Variants in RABGEF1 observed in about 807,000 individuals in gnomAD.
RABGEF1 encodes rab5 GDP/GTP exchange factor.
RABGEF1 carries 26 observed loss-of-function variants against 57.3 expected under a neutral mutation model. The ratio of observed to expected loss-of-function variants is 0.45; its 90% CI spans 0.33 to 0.63. The LOEUF is 0.63. RABGEF1 is among the 20% of genes least tolerant of loss of function. RABGEF1 has a pLI of 0.02. For missense variants in RABGEF1, 464 were observed against 607.6 expected (o/e 0.76, Z 2.48); for synonymous variants, 185 against 210.7 (o/e 0.88, Z 1.06).
chr7:66,701,570 G>A (rs1007147723), intron 1 of RABGEF1, among the ~76,000 whole-genome samples: 4 of 148,752 alleles, frequency 2.7e-5, no homozygotes, highest in African/African-American at 7.5e-5. Context: ...GTGCAATGGT[G>A]TAGTCTCAGC....
chr7:66,690,100 C>CTTTT (rs892888858), intron 1 of RABGEF1, among the ~76,000 whole-genome samples: 10 of 124,214 alleles, frequency 8.1e-5, no homozygotes, highest in East Asian at 2.4e-4. Flanking sequence ...ATAAAAAATT[C>CTTTT]TTTTTTTTTT....
intron 2 of RABGEF1, among the ~76,000 whole-genome samples, chr7:66,727,390 C>G (rs1408255309): frequency 1.3e-5 from 2 of 152,210 alleles, no homozygotes; most frequent in Non-Finnish European, 2.9e-5. Context: ...CCTGGCCACC[C>G]CATCCCATGG....
At chr7:66,703,044 A>G (rs775237035) in intron 1 of RABGEF1, among the ~76,000 whole-genome samples, 39 of 152,056 alleles carry the variant, frequency 2.6e-4, no homozygotes, top group Non-Finnish European at 1.8e-4. Flanking sequence ...TGCTATCTCA[A>G]CTTACTGCAA....
chr7:66,758,704 C>CA (rs1192281751), intron 1 of RABGEF1, among the ~76,000 whole-genome samples: 1 of 151,522 alleles, frequency 6.6e-6, no homozygotes. Flanking sequence ...TGCCTTCTAC[C>CA]GTAACAGCTG....
chr7:66,655,865 A>G, the RABGEF1 span, among the ~76,000 whole-genome samples: 135 of 152,330 alleles, frequency 8.9e-4, no homozygotes, highest in East Asian at 0.019. Flanking sequence ...TCATGTTTCT[A>G]CTCTCTAGAA....
intron 1 of RABGEF1, chr7:66,756,117 C>T: frequency 1.6e-6 from 2 of 1,259,866 alleles, no homozygotes; most frequent in Non-Finnish European, 2.1e-6. Context: ...ATCTATAAAT[C>T]AAAAGAAAAT....
At chr7:66,670,717 G>A in the RABGEF1 span, among the ~76,000 whole-genome samples, 7 of 151,868 alleles carry the variant, frequency 4.6e-5, no homozygotes, top group Non-Finnish European at 8.8e-5. Flanking sequence ...GTGGTGGCTC[G>A]CGCCTGTAAT....
In RABGEF1 at chr7:66,772,094, TA is replaced by T; in HGVS notation, c.179+17del. 6.8e-7 allele frequency: 1 copy of T among 1,470,124 alleles called. No homozygotes were observed. The allele number at this position is 1,470,124 out of a possible 1,614,324, so 91.1% of individuals were successfully genotyped here. On this transcript the variant is annotated intron_variant, in intron 2 of 8. Coordinates refer to ENST00000284957, the MANE Select transcript of RABGEF1 (RefSeq NM_014504.3). ...TGGCGGAGCGGTAAAAGGACTTAAC[TA>T]GGGGCGGTTGAACAGTGACGTGACT...
At chr7:66,770,168 T>C (rs1806745090) in intron 1 of RABGEF1, among the ~76,000 whole-genome samples, 1 of 152,248 alleles carries the variant, frequency 6.6e-6, no homozygotes, top group African/African-American at 2.4e-5. Context: ...ACCAGTGCCA[T>C]CTAGCTCAAT....
chr7:66,809,330 GC>G lies in RABGEF1; in HGVS notation c.*49del. ...TTTATTTGAGCCTAAATTGTAGGTA[GC>G]CCTTACTACACTCAACTGATTGGGA... On this transcript the variant is annotated 3_prime_UTR_variant, in exon 9 of 9. Transcript: ENST00000284957. 1 of 1,543,646 alleles carries G rather than the reference GC, an allele frequency of 6.5e-7. No individual in the cohort carries two copies. Among genetic ancestry groups the G allele is most frequent in the South Asian group, 1.2e-5 (1 of 80,080 alleles).
At chr7:66,717,320 CCT>C (rs954098640) in intron 2 of RABGEF1, among the ~76,000 whole-genome samples, 8 of 152,118 alleles carry the variant, frequency 5.3e-5, no homozygotes, top group African/African-American at 1.9e-4. Flanking sequence ...GTTCCTTTCC[CCT>C]GTCCTTACTA....
chr7:66,665,639 T>C, the RABGEF1 span, among the ~76,000 whole-genome samples: 1 of 152,234 alleles, frequency 6.6e-6, no homozygotes, highest in East Asian at 1.9e-4. Flanking sequence ...GAAGAAAGGG[T>C]ACAAGAGAAT....
chr7:66,737,572 TA>T (rs1181953670), upstream of RABGEF1, among the ~76,000 whole-genome samples: 1 of 151,988 alleles, frequency 6.6e-6, no homozygotes, highest in Admixed American at 6.6e-5. Flanking sequence ...TTAAAACAAT[TA>T]AAAAAAAGAT....
upstream of RABGEF1, among the ~76,000 whole-genome samples, chr7:66,736,651 C>A (rs1206884062): frequency 6.6e-6 from 1 of 151,996 alleles, no homozygotes; most frequent in Non-Finnish European, 1.5e-5. Context: ...CTTGAGGCCA[C>A]GAGTTTGAGA....
intron 3 of RABGEF1, among the ~76,000 whole-genome samples, chr7:66,777,882 C>T (rs1808918639): frequency 6.6e-6 from 1 of 152,044 alleles, no homozygotes; most frequent in Non-Finnish European, 1.5e-5. Context: ...TTCTTGTCTC[C>T]CCTCATCCCC....
chr7:66,766,743 G>A (rs1193967714), intron 1 of RABGEF1, among the ~76,000 whole-genome samples: 2 of 108,204 alleles, frequency 1.8e-5, no homozygotes, highest in South Asian at 3.6e-4. Flanking sequence ...ATTTATTTTC[G>A]AGACAGGGTT....
chr7:66,670,169 ACCT>A, the RABGEF1 span, among the ~76,000 whole-genome samples: 74 of 151,968 alleles, frequency 4.9e-4, no homozygotes, highest in African/African-American at 1.5e-3. Flanking sequence ...GTGCTGCCTC[ACCT>A]CCTCCAATTT....
chr7:66,688,299 G>A lies in RABGEF1; in HGVS notation c.-873+6041G>A, dbSNP rs115278273. 7.6e-3 allele frequency among the ~76,000 whole-genome samples: 1,156 copies of A among 152,062 alleles called. 18 individuals are homozygous for A. The highest frequency in any genetic ancestry group is 0.026 in the African/African-American group (1,088 of 41,454). On this transcript the variant is annotated intron_variant and NMD_transcript_variant, in intron 1 of 9. Transcript: ENST00000607882. Reference sequence around the variant, plus strand: ...GAAGCAAGAAAGGGTAGAATTGAAGGGAAAAGAAGAGTTTCACAGTGATCA... The same window carrying A: ...GAAGCAAGAAAGGGTAGAATTGAAGAGAAAAGAAGAGTTTCACAGTGATCA...
In RABGEF1 at chr7:66,795,216, C is replaced by G. The variant is rs138499684; in HGVS notation, c.514-295C>G. ...GATTCCCCCTTTTCTTCCTTTTCAC[C>G]TAATAAAACCCTGTCTTACCCACCA... On this transcript the variant is annotated intron_variant, in intron 4 of 8. Transcript: ENST00000284957. 1.9e-4 allele frequency among the ~76,000 whole-genome samples: 29 copies of G among 152,292 alleles called. No homozygotes were observed. The East Asian group carries it at 5.6e-3, about 29-fold the overall frequency.
Sources: allele counts gnomAD v4.1 joint callset (sites outside exome capture counted in the v4.1 genomes callset), GRCh38; gene constraint gnomAD v4.1.1; transcripts MANE v1.5; gene names NCBI Gene and HGNC (gene_info 2026-07-23, HGNC 2026-07-21).